The following DPYD variants were observed in gnomAD, a reference collection of about 807,000 sequenced individuals.
DPYD encodes dihydropyrimidine dehydrogenase.
In DPYD, 109 loss-of-function variants were observed where a neutral mutation model predicts 116.2. That is an observed-to-expected ratio of 0.94 (90% confidence interval 0.80 to 1.10). DPYD has a LOEUF of 1.10. Ranked by LOEUF, DPYD falls within the 50% of genes least tolerant of loss-of-function variation. DPYD has a pLI of 0.00. For missense variants in DPYD, 1,302 were observed against 1,254.5 expected, an observed-to-expected ratio of 1.04 and a Z score of -0.57; for synonymous variants, 440 against 432.0, an observed-to-expected ratio of 1.02 and a Z score of -0.23.
chr1:97,361,333 G>T (rs1321474766), intron 16 of DPYD, among the ~76,000 whole-genome samples: 1 of 152,148 alleles, frequency 6.6e-6, no homozygotes, highest in African/African-American at 2.4e-5. Context: ...ACCAAAAAAA[G>T]TCCAGGACCA....
chr1:97,161,686 G>C (rs1655909071), intron 20 of DPYD, among the ~76,000 whole-genome samples: 1 of 146,372 alleles, frequency 6.8e-6, no homozygotes, highest in African/African-American at 2.5e-5. Context: ...TTGTCATTTA[G>C]CATTAGGTAT....
chr1:97,170,072 C>T (rs1656611718), intron 20 of DPYD, among the ~76,000 whole-genome samples: 1 of 152,192 alleles, frequency 6.6e-6, no homozygotes, highest in African/African-American at 2.4e-5. Flanking sequence ...TGCAGGCATA[C>T]ATACAGAAAA....
At chr1:97,726,740 C>T (rs1338147777) in intron 4 of DPYD, among the ~76,000 whole-genome samples, 5 of 151,260 alleles carry the variant, frequency 3.3e-5, no homozygotes, top group Admixed American at 6.6e-5. Flanking sequence ...AAACATAATC[C>T]AATTAAACAC....
At chr1:97,116,994 C>CAAAAAAAAAAA (rs397784957) in intron 20 of DPYD, among the ~76,000 whole-genome samples, 3 of 107,180 alleles carry the variant, frequency 2.8e-5, no homozygotes, top group Admixed American at 9.5e-5. Context: ...ACTAAAAATA[C>CAAAAAAAAAAA]AAAAAAAAAA....
chr1:97,087,386 TAATAACTA>T (rs1246401126), intron 21 of DPYD, among the ~76,000 whole-genome samples: 1 of 152,202 alleles, frequency 6.6e-6, no homozygotes, highest in Non-Finnish European at 1.5e-5. Context: ...GGCAGAACTC[TAATAACTA>T]AGGACTCGGC....
At chr1:97,118,529 C>T (rs914044816) in intron 20 of DPYD, among the ~76,000 whole-genome samples, 1 of 152,012 alleles carries the variant, frequency 6.6e-6, no homozygotes, top group Non-Finnish European at 1.5e-5. Context: ...CTGAGGAGGG[C>T]ATCAAAAAAA....
chr1:97,745,657 A>T (rs76626357), intron 3 of DPYD, among the ~76,000 whole-genome samples: 4,756 of 152,180 alleles, frequency 0.031, 108 homozygotes, highest in African/African-American at 0.065. Flanking sequence ...AATTCCATAC[A>T]CATTATTTAT....
intron 18 of DPYD, among the ~76,000 whole-genome samples, chr1:97,258,500 T>C (rs376178453): frequency 1.3e-5 from 2 of 152,272 alleles, no homozygotes; most frequent in African/African-American, 4.8e-5. Flanking sequence ...GATACCTGCT[T>C]AAGTTGACTT....
intron 12 of DPYD, among the ~76,000 whole-genome samples, chr1:97,525,292 C>T (rs1456463608): frequency 1.3e-5 from 2 of 151,858 alleles, no homozygotes; most frequent in African/African-American, 4.8e-5. Flanking sequence ...AGTCAAAACT[C>T]ATCAAATGGT....
chr1:97,836,548 A>T (rs187782842), intron 2 of DPYD, among the ~76,000 whole-genome samples: 1 of 152,288 alleles, frequency 6.6e-6, no homozygotes, highest in Non-Finnish European at 1.5e-5. Flanking sequence ...TCTCTAGAAC[A>T]TACTTAGAAG....
At chr1:97,863,718 T>C (rs765775547) in intron 2 of DPYD, among the ~76,000 whole-genome samples, 2 of 151,838 alleles carry the variant, frequency 1.3e-5, no homozygotes, top group Non-Finnish European at 2.9e-5. Context: ...TACAATGTGA[T>C]ATATAATTAT....
chr1:97,611,011 G>A (rs767150796), intron 8 of DPYD, among the ~76,000 whole-genome samples: 6 of 151,720 alleles, frequency 4.0e-5, no homozygotes, highest in Non-Finnish European at 5.9e-5. Context: ...GTCTGTGTAC[G>A]TATGTACAAA....
intron 16 of DPYD, among the ~76,000 whole-genome samples, chr1:97,346,974 G>A (rs1425733565): frequency 6.6e-6 from 1 of 151,432 alleles, no homozygotes; most frequent in Non-Finnish European, 1.5e-5. Context: ...GGTGATTTGG[G>A]GCCTTTTAAA....
At chr1:97,199,021 C>T (rs79946066) in intron 19 of DPYD, among the ~76,000 whole-genome samples, 18,404 of 151,986 alleles carry the variant, frequency 0.12, 1,386 homozygotes, top group East Asian at 0.39. Flanking sequence ...TAATAGAGGC[C>T]GACCTGTGCA....
chr1:97,515,786 A>T lies in DPYD; in HGVS notation c.1680T>A (p.Ile560=), dbSNP rs1648178826. The change falls in exon 13 of 23, where the codon ATT becomes ATA. Residue 560 remains isoleucine, a synonymous_variant. Transcript: ENST00000370192. Reference sequence around the variant, plus strand: ...CCCATCCAGCTTCAAAAGCTCTTCGAATCATTGATGTGCTGGTGGCTGGAG... The same window carrying T: ...CCCATCCAGCTTCAAAAGCTCTTCGTATCATTGATGTGCTGGTGGCTGGAG... ...SATPATSTSM[I]RRAFEAGWGF... The T allele has an allele frequency of 6.2e-7, 1 of 1,613,020 alleles. No individual in the cohort carries two copies. The highest frequency in any genetic ancestry group is 8.5e-7 in the Non-Finnish European group (1 of 1,179,292).
chr1:97,597,654 C>T (rs895800283), intron 8 of DPYD, among the ~76,000 whole-genome samples: 8 of 152,260 alleles, frequency 5.3e-5, no homozygotes, highest in African/African-American at 1.9e-4. Flanking sequence ...CCTATCCAAT[C>T]AATTAATCAA....
chr1:97,097,060 C>T (rs569863957), intron 21 of DPYD, among the ~76,000 whole-genome samples: 3 of 152,184 alleles, frequency 2.0e-5, no homozygotes, highest in Non-Finnish European at 1.5e-5. Context: ...GCTGTAGGTT[C>T]TGGCCTTCGC....
At chr1:97,514,928 T>C (rs1349614565) in intron 13 of DPYD, among the ~76,000 whole-genome samples, 7 of 151,954 alleles carry the variant, frequency 4.6e-5, no homozygotes. Flanking sequence ...ATTCAAATAA[T>C]GATACTCTTT....
chr1:97,228,587 A>G (rs577047725), intron 19 of DPYD, among the ~76,000 whole-genome samples: 9 of 152,326 alleles, frequency 5.9e-5, no homozygotes, highest in African/African-American at 2.2e-4. Context: ...ATATTTATTT[A>G]TATTACTATT....
Sources: gnomAD v4.1 joint callset for allele counts (sites outside exome capture counted in the v4.1 genomes callset) on GRCh38, gnomAD v4.1.1 for gene constraint, MANE v1.5 for transcripts, NCBI Gene and HGNC (gene_info 2026-07-23, HGNC 2026-07-21) for gene names.